GLIPR2: variants seen among roughly 807,000 people sequenced by gnomAD.
The protein encoded by GLIPR2 is Golgi-associated plant pathogenesis-related protein 1.
In GLIPR2, 21 loss-of-function variants were observed where a neutral mutation model predicts 20.4. The observed-to-expected ratio is 1.03, with a 90% confidence interval of 0.73 to 1.48. The LOEUF (loss-of-function observed/expected upper bound fraction) is 1.48. GLIPR2 is among the 40% of genes most tolerant of loss of function. The pLI is 0.00. For synonymous variants in GLIPR2, 91 were observed against 80.5 expected, an observed-to-expected ratio of 1.13 and a Z score of -0.70; for missense variants, 205 against 200.1, an observed-to-expected ratio of 1.02 and a Z score of -0.15.
chr9:36,152,334 A>C (rs1825621014), intron 4 of GLIPR2, among the ~76,000 whole-genome samples: 1 of 152,178 alleles, frequency 6.6e-6, no homozygotes, highest in East Asian at 1.9e-4. Flanking sequence ...AAGACTTCTT[A>C]TTTCATAGCT....
intron 1 of GLIPR2, among the ~76,000 whole-genome samples, chr9:36,137,682 C>T (rs1824887973): frequency 6.6e-6 from 1 of 152,252 alleles, no homozygotes; most frequent in Non-Finnish European, 1.5e-5. Context: ...CCCACCGGGT[C>T]CTCACCCCTG....
At chr9:36,144,856 C>CA in intron 1 of GLIPR2, 1 of 152,472 alleles carries the variant, frequency 6.6e-6, no homozygotes, top group African/African-American at 2.4e-5. Flanking sequence ...CTGCAGCCCC[C>CA]AAACCCCGCA....
chr9:36,155,774 T>A (rs1825802839), intron 4 of GLIPR2, among the ~76,000 whole-genome samples: 1 of 152,116 alleles, frequency 6.6e-6, no homozygotes, highest in Non-Finnish European at 1.5e-5. Context: ...TTTCTTTTTT[T>A]AATTTTTTAG....
intron 2 of GLIPR2, 33 bp downstream of exon 2, chr9:36,147,927 C>G: frequency 1.0e-6 from 1 of 965,208 alleles, no homozygotes; most frequent in Non-Finnish European, 1.7e-6. Flanking sequence ...GTAACTTGGC[C>G]CTTCATGTGC....
intron 1 of GLIPR2, among the ~76,000 whole-genome samples, chr9:36,139,314 C>A (rs974359661): frequency 6.6e-6 from 1 of 152,118 alleles, no homozygotes; most frequent in African/African-American, 2.4e-5. Flanking sequence ...ACCCCTAACA[C>A]ACACACACAC....
intron 1 of GLIPR2, 148 bp from the exon 2 acceptor site, chr9:36,147,638 C>G: frequency 1.5e-6 from 1 of 663,714 alleles, no homozygotes; most frequent in Non-Finnish European, 2.8e-6. Context: ...AGCAGGGCCA[C>G]TTGGCTGGGG....
At chr9:36,151,700 C>T (rs936363979) in intron 4 of GLIPR2, among the ~76,000 whole-genome samples, 5 of 152,286 alleles carry the variant, frequency 3.3e-5, no homozygotes, top group Middle Eastern at 3.4e-3. Flanking sequence ...TTCTCAAAGG[C>T]TTCCCTTGAC....
intron 4 of GLIPR2, among the ~76,000 whole-genome samples, chr9:36,152,951 G>GA (rs1563885535): frequency 9.4e-5 from 3 of 32,068 alleles, no homozygotes; most frequent in African/African-American, 3.8e-4. Flanking sequence ...TACTGAAAGT[G>GA]CAAAAAAAAA....
intron 4 of GLIPR2, among the ~76,000 whole-genome samples, chr9:36,159,505 T>A (rs10814342): frequency 0.12 from 18,700 of 152,206 alleles, 1,304 homozygotes; most frequent in East Asian, 0.21. Context: ...TGCATTTTGG[T>A]GATTAAAACA....
chr9:36,151,247 A>G (rs1464995286), intron 4 of GLIPR2, among the ~76,000 whole-genome samples: 1 of 152,044 alleles, frequency 6.6e-6, no homozygotes, highest in Non-Finnish European at 1.5e-5. Flanking sequence ...CTGGATTTCC[A>G]AAGCTGCATG....
At chr9:36,155,003 C>T (rs1285613601) in intron 4 of GLIPR2, among the ~76,000 whole-genome samples, 3 of 152,218 alleles carry the variant, frequency 2.0e-5, no homozygotes, top group East Asian at 3.9e-4. Flanking sequence ...ACCAGGCTGC[C>T]GAGAGCCTGG....
At chr9:36,154,051 C>CATATTAT (rs55951749) in intron 4 of GLIPR2, among the ~76,000 whole-genome samples, 3,919 of 134,790 alleles carry the variant, frequency 0.029, 88 homozygotes, top group Non-Finnish European at 0.034. Context: ...AATGTCTTAT[C>CATATTAT]ATATTATATA....
intron 4 of GLIPR2, among the ~76,000 whole-genome samples, chr9:36,157,639 G>A (rs924643694): frequency 1.6e-4 from 25 of 151,594 alleles, no homozygotes; most frequent in South Asian, 6.2e-4. Flanking sequence ...GAGCCACTAC[G>A]CCCGGCCTCA....
At chr9:36,150,772 T>C (rs1249596500) in intron 3 of GLIPR2, 100 bp from the exon 4 acceptor site, 4 of 794,946 alleles carry the variant, frequency 5.0e-6, no homozygotes, top group Non-Finnish European at 8.5e-6. Context: ...AGATGTCTAA[T>C]TGCCGCATTG....
At chr9:36,137,023 C>T in intron 1 of GLIPR2, 1 of 423,142 alleles carries the variant, frequency 2.4e-6, no homozygotes, top group Non-Finnish European at 4.0e-6. Context: ...TTGGGCTTCC[C>T]GACCCTGAGG....
chr9:36,136,789 C>G lies in GLIPR2; in HGVS notation c.11C>G (p.Ser4Ter). 7.7e-7 allele frequency: 1 copy of G among 1,301,858 alleles called. No individual in the cohort carries two copies. Among genetic ancestry groups the G allele is most frequent in the South Asian group, 2.3e-5 (1 of 43,492 alleles). 80.6% of individuals were successfully genotyped at this position (1,301,858 alleles called of 1,614,324 possible). A position where few individuals can be genotyped will look rare whatever the true frequency, so the allele number is the denominator to read the frequency against. Residue 4 changes from serine to a stop codon, truncating the protein, a stop_gained and splice_region_variant, in exon 1 of 5, where the codon TCA becomes TGA. Coordinates refer to ENST00000377960, the MANE Select transcript of GLIPR2 (RefSeq NM_022343.4). LOFTEE classifies it high-confidence loss of function. The surrounding 1 kb of genome is among the most constrained non-coding windows in gnomAD (Gnocchi z 4.3). The part of the protein sequence containing the change: MGK[S>*]ASKQFHNEVL... The stretch of plus-strand genomic sequence containing the variant: ...CGCGCGGAGCCGGCCATGGGCAAGT[C>G]AGGTGAGCCCGCGGGCTCGCCCGCT...
chr9:36,159,949 G>A (rs182990396), intron 4 of GLIPR2, among the ~76,000 whole-genome samples: 1 of 152,296 alleles, frequency 6.6e-6, no homozygotes, highest in Non-Finnish European at 1.5e-5. Flanking sequence ...CTGGGCAACG[G>A]TGAGACTCCG....
chr9:36,149,608 C>G (rs545792375), intron 3 of GLIPR2, among the ~76,000 whole-genome samples: 1 of 152,318 alleles, frequency 6.6e-6, no homozygotes, highest in East Asian at 1.9e-4. Flanking sequence ...CCCTCGGGAG[C>G]CTTGAGCAGG....
intron 1 of GLIPR2, among the ~76,000 whole-genome samples, chr9:36,138,667 C>G (rs75471087): frequency 0.012 from 1,901 of 152,264 alleles, 70 homozygotes; most frequent in East Asian, 0.069. Flanking sequence ...AAGCTGTGGA[C>G]CCAGTGCCGG....
Sources: allele counts gnomAD v4.1 joint callset (sites outside exome capture counted in the v4.1 genomes callset), GRCh38; gene constraint gnomAD v4.1.1; non-coding constraint Gnocchi (gnomAD v3.1); transcripts MANE v1.5; gene names NCBI Gene and HGNC (gene_info 2026-07-23, HGNC 2026-07-21).